ITGA9: variants seen among roughly 807,000 people sequenced by gnomAD.
The protein encoded by ITGA9 is integrin alpha-9.
ITGA9 carries 56 observed loss-of-function variants against 127.8 expected under a neutral mutation model. The ratio of observed to expected loss-of-function variants is 0.44; its 90% confidence interval spans 0.35 to 0.55. The LOEUF (loss-of-function observed/expected upper bound fraction) is 0.55, where lower values mean the gene tolerates loss of function less well. Ranked by LOEUF, ITGA9 falls within the 20% of genes least tolerant of loss-of-function variation. ITGA9 has a pLI of 0.00. For synonymous variants in ITGA9, 508 were observed against 514.5 expected (o/e 0.99, Z 0.17); for missense variants, 1,196 against 1,347.1 (o/e 0.89, Z 1.76).
At chr3:37,752,374 G>A (rs926779821) in intron 23 of ITGA9, among the ~76,000 whole-genome samples, 10 of 152,166 alleles carry the variant, frequency 6.6e-5, no homozygotes, top group Non-Finnish European at 2.9e-5. Flanking sequence ...CCTTTGGCCT[G>A]GTGGCATTCC....
At chr3:37,476,066 A>G (rs766562963) in intron 3 of ITGA9, among the ~76,000 whole-genome samples, 1 of 152,190 alleles carries the variant, frequency 6.6e-6, no homozygotes, top group Admixed American at 6.5e-5. Context: ...CATTGTATGA[A>G]TTCACCATGT....
At chr3:37,754,640 A>C (rs1696628425) in intron 23 of ITGA9, among the ~76,000 whole-genome samples, 1 of 152,184 alleles carries the variant, frequency 6.6e-6, no homozygotes, top group South Asian at 2.1e-4. Flanking sequence ...TTCTAAGGAG[A>C]TATATCAATG....
intron 1 of ITGA9, among the ~76,000 whole-genome samples, chr3:37,470,038 C>T (rs1032148729): frequency 3.3e-5 from 5 of 152,074 alleles, no homozygotes; most frequent in Admixed American, 3.3e-4. Context: ...CTCAGGCAGT[C>T]TGCCCACCTC....
intron 23 of ITGA9, among the ~76,000 whole-genome samples, chr3:37,771,887 A>C (rs1471047597): frequency 1.3e-5 from 2 of 151,864 alleles, no homozygotes; most frequent in Non-Finnish European, 2.9e-5. Flanking sequence ...TCCTCTGACC[A>C]CAGTAAGAGG....
chr3:37,708,174 A>T (rs2125676577), intron 18 of ITGA9, among the ~76,000 whole-genome samples: 1 of 152,312 alleles, frequency 6.6e-6, no homozygotes, highest in East Asian at 1.9e-4. Flanking sequence ...GCTGCAGGTC[A>T]GCTGGAACCC....
intron 17 of ITGA9, among the ~76,000 whole-genome samples, chr3:37,655,834 GT>G (rs1266475406): frequency 3.9e-5 from 6 of 152,052 alleles, no homozygotes; most frequent in Non-Finnish European, 1.5e-5. Flanking sequence ...TAGGTCTTAC[GT>G]TTAACTCTTT....
chr3:37,719,331 G>A (rs1464929430), intron 18 of ITGA9, among the ~76,000 whole-genome samples: 1 of 152,188 alleles, frequency 6.6e-6, no homozygotes, highest in East Asian at 1.9e-4. Flanking sequence ...GCTGCCCCCT[G>A]AGACAGGGCT....
chr3:37,564,633 A>G (rs940466300), intron 15 of ITGA9, among the ~76,000 whole-genome samples: 1 of 152,212 alleles, frequency 6.6e-6, no homozygotes, highest in Non-Finnish European at 1.5e-5. Context: ...GCCACTGCAT[A>G]CGTGGGTGTA....
chr3:37,540,324 G>A (rs1242902056), intron 14 of ITGA9, among the ~76,000 whole-genome samples: 1 of 152,218 alleles, frequency 6.6e-6, no homozygotes, highest in Non-Finnish European at 1.5e-5. Context: ...CCAGCAATGT[G>A]TATCTGTAGC....
At chr3:37,563,727 T>C (rs371170071) in intron 15 of ITGA9, among the ~76,000 whole-genome samples, 2 of 152,374 alleles carry the variant, frequency 1.3e-5, no homozygotes, top group South Asian at 2.1e-4. Context: ...TCCTGGATGC[T>C]GCCCTGTAAC....
Position 37,518,256 on chromosome 3 carries a change from G to A in ITGA9, c.1141+647G>A, listed in dbSNP as rs554780810. On this transcript the variant is annotated intron_variant, in intron 10 of 27. Transcript: ENST00000264741. ...GCTGCATACACAGCATACAGACGTC[G>A]GGAGGCAGAGCAACCATGTCACCAG... Among the ~76,000 whole-genome samples, 26 of 152,264 alleles carry A rather than the reference G, an allele frequency of 1.7e-4. 1 individual carries two copies. The East Asian group carries it at 3.7e-3, about 21-fold the overall frequency.
chr3:37,768,605 G>A (rs1369606244), intron 23 of ITGA9, among the ~76,000 whole-genome samples: 2 of 152,118 alleles, frequency 1.3e-5, no homozygotes, highest in Non-Finnish European at 2.9e-5. Context: ...CCCGGTTGCC[G>A]TCAGCTGCGA....
intron 17 of ITGA9, among the ~76,000 whole-genome samples, chr3:37,664,168 C>T (rs1388454830): frequency 2.0e-5 from 3 of 152,156 alleles, no homozygotes; most frequent in Non-Finnish European, 4.4e-5. Context: ...GTTCAGCTAT[C>T]AGCTGGCTCT....
At chr3:37,719,351 G>A (rs1701166823) in intron 18 of ITGA9, among the ~76,000 whole-genome samples, 1 of 152,188 alleles carries the variant, frequency 6.6e-6, no homozygotes, top group South Asian at 2.1e-4. Flanking sequence ...TCCATGAGCT[G>A]ACAGGTTGAT....
rs185758270 is a variant in ITGA9, at chr3:37,612,489, C to T, written c.1690-16698C>T. On this transcript the variant is annotated intron_variant, in intron 15 of 27. Transcript: ENST00000264741. ...AGTGTGTAATATCTCAGATTTCTAT[C>T]GACGGTAGAGTCACAGGTCTTTCTA... Among the ~76,000 whole-genome samples the T allele has an allele frequency of 7.9e-5, 12 of 152,206 alleles. No homozygotes were observed. In the East Asian group the frequency reaches 1.2e-3, roughly 15 times the overall value.
intron 18 of ITGA9, among the ~76,000 whole-genome samples, chr3:37,715,693 A>T (rs1373170309): frequency 6.6e-6 from 1 of 152,222 alleles, no homozygotes; most frequent in Non-Finnish European, 1.5e-5. Context: ...TGTTTAAAAA[A>T]TCCTGGTTTG....
At chr3:37,599,669 C>G (rs7375012) in intron 15 of ITGA9, among the ~76,000 whole-genome samples, 1 of 151,992 alleles carries the variant, frequency 6.6e-6, no homozygotes, top group Non-Finnish European at 1.5e-5. Context: ...CTTTGGAGTC[C>G]CATGGGGCTC....
intron 17 of ITGA9, among the ~76,000 whole-genome samples, chr3:37,655,206 AC>A (rs1159998592): frequency 2.6e-5 from 4 of 152,208 alleles, no homozygotes; most frequent in African/African-American, 9.6e-5. Context: ...GGGTATGTAT[AC>A]CCAGTAATGG....
intron 15 of ITGA9, among the ~76,000 whole-genome samples, chr3:37,619,060 G>A (rs372547988): frequency 2.0e-5 from 3 of 152,204 alleles, no homozygotes; most frequent in African/African-American, 4.8e-5. Flanking sequence ...CACTCATGCT[G>A]GGAGCAGTAG....
Sources: gnomAD v4.1 joint callset for allele counts (sites outside exome capture counted in the v4.1 genomes callset) on GRCh38, gnomAD v4.1.1 for gene constraint, MANE v1.5 for transcripts, NCBI Gene and HGNC (gene_info 2026-07-23, HGNC 2026-07-21) for gene names.